Variants in DRAP1 observed in about 807,000 individuals in gnomAD.
DRAP1 encodes DR1 associated protein 1.
A neutral mutation model predicts 24.1 loss-of-function variants in DRAP1; 10 were observed. The observed-to-expected ratio is 0.41, with a 90% CI of 0.26 to 0.70. DRAP1 has a LOEUF of 0.70. DRAP1 is among the 30% of genes least tolerant of loss of function. DRAP1 has a pLI of 0.29. For synonymous variants in DRAP1, 122 were observed against 113.8 expected (o/e 1.07, Z -0.46); for missense variants, 264 against 275.6 (o/e 0.96, Z 0.30).
chr11:65,920,059 G>A lies in DRAP1; in HGVS notation c.209+18G>A, dbSNP rs1591101541. On this transcript the variant is annotated intron_variant, in intron 3 of 6. Coordinates refer to ENST00000312515, the MANE Select transcript of DRAP1 (RefSeq NM_006442.4). ...TCCCACCTGTGAGCGGCGAGGAGCCGGGAGGGGCCGGCGGGTTTGGCGCGG... is the reference window on the plus strand; with the variant it reads ...TCCCACCTGTGAGCGGCGAGGAGCCAGGAGGGGCCGGCGGGTTTGGCGCGG... 1.2e-6 allele frequency: 2 copies of A among 1,610,552 alleles called. No individual in the cohort carries two copies. Among genetic ancestry groups the A allele is most frequent in the Non-Finnish European group, 8.5e-7 (1 of 1,178,544 alleles).
rs1470218354 is a variant in DRAP1 at position 65,921,508 on chromosome 11, G to A, written c.*73G>A. 1.8e-5 allele frequency: 12 copies of A among 665,430 alleles called. No homozygotes were observed. In the Admixed American group the frequency reaches 2.8e-4, roughly 15 times the overall value. 41.2% of individuals were successfully genotyped at this position (665,430 alleles called of 1,614,324 possible). On this transcript the variant is annotated 3_prime_UTR_variant, in exon 7 of 7. Coordinates refer to ENST00000312515, the MANE Select transcript of DRAP1 (RefSeq NM_006442.4). Reference sequence around the variant, plus strand: ...CTCTGGGGGGAGGAGAGAAGGTAGAGCTGTTCTTAAATTTATTAAAAAAAA... The same window carrying A: ...CTCTGGGGGGAGGAGAGAAGGTAGAACTGTTCTTAAATTTATTAAAAAAAA...
chr11:65,919,668 C>G (rs1375704323), intron 1 of DRAP1, 112 bp from the exon 2 acceptor site: 1 of 1,522,652 alleles, frequency 6.6e-7, no homozygotes, highest in African/African-American at 1.4e-5. Flanking sequence ...CCTCCATGCC[C>G]TCCCCGCGTC....
In DRAP1 at chr11:65,921,446, C is replaced by CT; in HGVS notation, c.*11_*12insT. On this transcript the variant is annotated 3_prime_UTR_variant, in exon 7 of 7. Transcript: ENST00000312515. ...GATTACGACTCCTAGCGCCTTCTGC[C>CT]CCCCAGACCATAGCCCCTTTTAGTT... The CT allele has an allele frequency of 6.7e-7, 1 of 1,490,972 alleles. No homozygotes were observed. Among genetic ancestry groups the CT allele is most frequent in the Non-Finnish European group, 9.3e-7 (1 of 1,069,584 alleles). 92.4% of individuals were successfully genotyped at this position (1,490,972 alleles called of 1,614,324 possible). A position where few individuals can be genotyped will look rare whatever the true frequency, so the allele number is the denominator to read the frequency against.
rs1473613514 is a variant in DRAP1 at position 65,920,900 on chromosome 11, C to T, written c.440C>T (p.Thr147Ile). The change falls in exon 6 of 7, where the codon ACA becomes ATA. Residue 147 changes from threonine (T) to isoleucine (I), a missense_variant. By Grantham distance (89) the Thr-to-Ile change is moderately conservative. Around this residue, in one of 2 missense-constraint regions of DRAP1, gnomAD observed 243 missense variants for 233.6 expected, o/e 1.04. Transcript: ENST00000312515. ...DSEQEDESED[T>I]DTDGEEETSQ... ...TGCTCACAGGATGAATCTGAGGACA[C>T]AGATACTGATGGGGAAGAGGAGACA... 1 of 1,613,228 alleles carries T rather than the reference C, an allele frequency of 6.2e-7. No individual in the cohort carries two copies. The highest frequency in any genetic ancestry group is 8.5e-7 in the Non-Finnish European group (1 of 1,179,552).
chr11:65,920,205 C>T, intron 3 of DRAP1, 138 bp from the exon 4 acceptor site: 2 of 1,465,938 alleles, frequency 1.4e-6, no homozygotes, highest in Non-Finnish European at 1.9e-6. Context: ...AGGGAGCCAC[C>T]TGAGTAAAGC....
At position 65,920,056 on chromosome 11, in the gene DRAP1, G is replaced by A. The variant is rs199939045; in HGVS notation, c.209+15G>A. 1.6e-3 allele frequency: 2,631 copies of A among 1,610,382 alleles called. 31 individuals are homozygous for A. The African/African-American group carries it at 0.03, about 19-fold the overall frequency. On this transcript the variant is annotated intron_variant, in intron 3 of 6. Coordinates refer to ENST00000312515, the MANE Select transcript of DRAP1 (RefSeq NM_006442.4). Reference sequence around the variant, plus strand: ...ACATCCCACCTGTGAGCGGCGAGGAGCCGGGAGGGGCCGGCGGGTTTGGCG... The same window carrying A: ...ACATCCCACCTGTGAGCGGCGAGGAACCGGGAGGGGCCGGCGGGTTTGGCG...
Position 65,921,532 on chromosome 11 carries a change from A to T in DRAP1, c.*97A>T, listed in dbSNP as rs544121930. 1.9e-4 allele frequency: 110 copies of T among 590,962 alleles called. No homozygotes were observed. The highest frequency in any genetic ancestry group is 1.4e-3 in the African/African-American group (74 of 52,058). 36.6% of individuals were successfully genotyped at this position (590,962 alleles called of 1,614,324 possible). A position where few individuals can be genotyped will look rare whatever the true frequency, so the allele number is the denominator to read the frequency against. On this transcript the variant is annotated 3_prime_UTR_variant, in exon 7 of 7. Coordinates refer to ENST00000312515, the MANE Select transcript of DRAP1 (RefSeq NM_006442.4). ...AGCTGTTCTTAAATTTATTAAAAAA[A>T]AAAATAAAAGGGAATCTCAGTGTCT...
Position 65,919,476 on chromosome 11 carries a change from C to T in DRAP1, c.-26C>T. The T allele has an allele frequency of 3.3e-6, 5 of 1,529,388 alleles. No individual in the cohort carries two copies. Among genetic ancestry groups the T allele is most frequent in the Non-Finnish European group, 4.4e-6 (5 of 1,138,974 alleles). 94.7% of individuals were successfully genotyped at this position (1,529,388 alleles called of 1,614,324 possible). A position where few individuals can be genotyped will look rare whatever the true frequency, so the allele number is the denominator to read the frequency against. ...GGAGGCTGCGGGCGGCGGCGCTGGA[C>T]CCGACGCGGCGAGAGAGGCCCCGAG... On this transcript the variant is annotated 5_prime_UTR_variant, in exon 1 of 7. Transcript: ENST00000312515.
intron 5 of DRAP1, 42 bp from the exon 6 acceptor site, chr11:65,920,842 C>A (rs776555323): frequency 6.4e-7 from 1 of 1,572,714 alleles, no homozygotes; most frequent in Admixed American, 1.8e-5. Context: ...GTGATGGGTT[C>A]GTGTCTTTTC....
intron 6 of DRAP1, 137 bp from the exon 7 acceptor site, chr11:65,921,193 T>G (rs1205520012): frequency 2.9e-6 from 2 of 682,168 alleles, no homozygotes; most frequent in African/African-American, 3.7e-5. Flanking sequence ...CTGCGTGAGC[T>G]GCCCTGGGCC....
At chr11:65,921,187 G>C (rs561813507) in intron 6 of DRAP1, 143 bp from the exon 7 acceptor site, 4 of 693,102 alleles carry the variant, frequency 5.8e-6, no homozygotes, top group Non-Finnish European at 7.3e-6. Flanking sequence ...CCTGCCCTGC[G>C]TGAGCTGCCC....
In DRAP1 at chr11:65,920,783, A is replaced by G. The variant is rs1477439435; in HGVS notation, c.424-101A>G. The stretch of plus-strand genomic sequence containing the variant: ...CTGCAACCTGTTTGCTCACTGGTTT[A>G]TTTGTAAATTGGGGCTATGAGGGTC... On this transcript the variant is annotated intron_variant, in intron 5 of 6. Transcript: ENST00000312515. 4 of 1,465,658 alleles carry G rather than the reference A, an allele frequency of 2.7e-6. No homozygotes were observed. In the African/African-American group the frequency reaches 5.7e-5, roughly 21 times the overall value. The allele number at this position is 1,465,658 out of a possible 1,614,324, so 90.8% of individuals were successfully genotyped here. A position where few individuals can be genotyped will look rare whatever the true frequency, so the allele number is the denominator to read the frequency against.
chr11:65,920,932 C>T lies in DRAP1; in HGVS notation c.472C>T (p.Pro158Ser), dbSNP rs773522319. The change falls in exon 6 of 7, where the codon CCC becomes TCC. Residue 158 changes from proline to serine, a missense_variant. Transcript: ENST00000312515. Reference protein sequence around the residue: ...DTDGEEETSQPPPQASHPSAH... With the variant: ...DTDGEEETSQSPPQASHPSAH... The stretch of plus-strand genomic sequence containing the variant: ...TGATGGGGAAGAGGAGACATCACAA[C>T]CCCCACCCCAGGCCAGCCACCCCTC... 6.2e-7 allele frequency: 1 copy of T among 1,613,398 alleles called. No individual in the cohort carries two copies. The highest frequency in any genetic ancestry group is 8.5e-7 in the Non-Finnish European group (1 of 1,179,640).
chr11:65,920,857 C>T (rs1406721814), intron 5 of DRAP1, 27 bp from the exon 6 acceptor site: 1 of 1,590,452 alleles, frequency 6.3e-7, no homozygotes. Flanking sequence ...CTTTTCTTGT[C>T]AACTCTGACC....
Position 65,919,503 on chromosome 11 carries a change from T to TGCCGAGCAAGAAGAA in DRAP1, c.4_18dup (p.Pro2_Lys6dup). 1.3e-6 allele frequency: 2 copies of TGCCGAGCAAGAAGAA among 1,540,744 alleles called. No homozygotes were observed. Among genetic ancestry groups the TGCCGAGCAAGAAGAA allele is most frequent in the Non-Finnish European group, 8.7e-7 (1 of 1,143,300 alleles). ...CGACGCGGCGAGAGAGGCCCCGAGA[T>TGCCGAGCAAGAAGAA]GCCGAGCAAGAAGAAGAAGTACAAC... On this transcript the variant is annotated inframe_insertion, in exon 1 of 7. Transcript: ENST00000312515.
Position 65,921,409 on chromosome 11 carries a change from G to A in DRAP1, c.592G>A (p.Glu198Lys). The change falls in exon 7 of 7, where the codon GAG becomes AAG. Residue 198 changes from glutamate (E) to lysine (K), a missense_variant. Physicochemically the swap from Glu to Lys is moderately conservative, Grantham distance 56 (BLOSUM62 1). This residue lies in a region of DRAP1 where 243 missense variants were observed against 233.6 expected (regional missense o/e 1.04). Transcript: ENST00000312515. Reference sequence around the variant, plus strand: ...CCCGGGCCCCTCAGCACCTGATGAAGAGGACGAAGAAGATTACGACTCCTA... The same window carrying A: ...CCCGGGCCCCTCAGCACCTGATGAAAAGGACGAAGAAGATTACGACTCCTA... The part of the protein sequence containing the change: ...APPGPSAPDE[E>K]DEEDYDS 6 of 1,610,202 alleles carry A rather than the reference G, an allele frequency of 3.7e-6. No individual in the cohort carries two copies. The highest frequency in any genetic ancestry group is 5.1e-6 in the Non-Finnish European group (6 of 1,176,586).
At chr11:65,920,843 G>A (rs745500852) in intron 5 of DRAP1, 41 bp from the exon 6 acceptor site, 10 of 1,576,522 alleles carry the variant, frequency 6.3e-6, no homozygotes, top group African/African-American at 1.4e-5. Context: ...TGATGGGTTC[G>A]TGTCTTTTCT....
At position 65,921,436 on chromosome 11, in the gene DRAP1, C is replaced by G; in HGVS notation, c.*1C>G. 1 of 1,572,970 alleles carries G rather than the reference C, an allele frequency of 6.4e-7. No individual in the cohort carries two copies. The highest frequency in any genetic ancestry group is 8.7e-7 in the Non-Finnish European group (1 of 1,143,404). Reference sequence around the variant, plus strand: ...GGACGAAGAAGATTACGACTCCTAGCGCCTTCTGCCCCCCAGACCATAGCC... The same window carrying G: ...GGACGAAGAAGATTACGACTCCTAGGGCCTTCTGCCCCCCAGACCATAGCC... On this transcript the variant is annotated 3_prime_UTR_variant, in exon 7 of 7. Coordinates refer to ENST00000312515, the MANE Select transcript of DRAP1 (RefSeq NM_006442.4).
At position 65,920,406 on chromosome 11, in the gene DRAP1, C is replaced by T. The variant is rs755509971; in HGVS notation, c.273C>T (p.Pro91=). 9 of 1,613,984 alleles carry T rather than the reference C, an allele frequency of 5.6e-6. No homozygotes were observed. The highest frequency in any genetic ancestry group is 5.5e-5 in the South Asian group (5 of 91,080). Residue 91 remains proline, a synonymous_variant, in exon 4 of 7, where the codon CCC becomes CCT. Coordinates refer to ENST00000312515, the MANE Select transcript of DRAP1 (RefSeq NM_006442.4). ...DFLKDLVASV[P]DMQGDGEDNH... Reference sequence around the variant, plus strand: ...TGAAGGACCTGGTGGCATCTGTTCCCGACATGCAGGGGGACGGGGAAGACA... The same window carrying T: ...TGAAGGACCTGGTGGCATCTGTTCCTGACATGCAGGGGGACGGGGAAGACA...
Sources: allele counts gnomAD v4.1 joint callset, GRCh38; gene constraint gnomAD v4.1.1; regional missense constraint gnomAD v4.1.1; transcripts MANE v1.5; gene names NCBI Gene and HGNC (gene_info 2026-07-23, HGNC 2026-07-21).